The following OR6J1 variants were observed in gnomAD, a reference collection of about 807,000 sequenced individuals.
The protein encoded by OR6J1 is olfactory receptor 6J1.
For synonymous variants in OR6J1, 109 were observed against 70.0 expected (o/e 1.56, Z -2.78); for missense variants, 304 against 166.8 (o/e 1.82, Z -4.53).
At chr14:22,643,764 C>CACACACACACACAGAGAGAGAG (rs1466950724) in intron 1 of OR6J1, among the ~76,000 whole-genome samples, 5 of 37,694 alleles carry the variant, frequency 1.3e-4, no homozygotes, top group Admixed American at 5.9e-4. Flanking sequence ...CACACACACA[C>CACACACACACACAGAGAGAGAG]AGAGAGAGAG....
intron 1 of OR6J1, among the ~76,000 whole-genome samples, chr14:22,638,995 A>G (rs1828900100): frequency 1.7e-5 from 2 of 114,762 alleles, no homozygotes; most frequent in African/African-American, 4.5e-5. Flanking sequence ...GGATGTGAGG[A>G]GCGCCTCTGC....
intron 1 of OR6J1, among the ~76,000 whole-genome samples, chr14:22,637,194 A>G (rs1488009736): frequency 3.0e-5 from 3 of 98,764 alleles, no homozygotes; most frequent in Admixed American, 1.7e-4. Context: ...CCGTCTGAGA[A>G]GTGAGGAGCC....
At position 22,632,822 on chromosome 14, in the gene OR6J1, T is replaced by C. The variant is rs1441362692; in HGVS notation, c.*946A>G. On this transcript the variant is annotated 3_prime_UTR_variant, in exon 2 of 2. Transcript: ENST00000540461. ...TGAGAGAAGAGGGCTCTTTGTGTTG[T>C]GCCTTTGTGTTGTGAGTGGGCTGTC... The C allele has an allele frequency of 6.6e-6, 1 of 152,232 alleles. No individual in the cohort carries two copies. Among genetic ancestry groups the C allele is most frequent in the South Asian group, 2.1e-4 (1 of 4,832 alleles). The allele number at this position is 152,232 out of a possible 1,614,324, so 9.4% of individuals were successfully genotyped here.
rs1025560728 is a variant in OR6J1 at position 22,633,374 on chromosome 14, C to T, written c.*394G>A. 5.2e-5 allele frequency: 9 copies of T among 173,470 alleles called. No homozygotes were observed. Among genetic ancestry groups the T allele is most frequent in the Non-Finnish European group, 1.1e-4 (9 of 81,442 alleles). 10.7% of individuals were successfully genotyped at this position (173,470 alleles called of 1,614,324 possible). A position where few individuals can be genotyped will look rare whatever the true frequency, so the allele number is the denominator to read the frequency against. ...GATTAGAGAATAATGAAGGTTATTT[C>T]TAAAAAGATCCTGCAGAGGATGGAA... On this transcript the variant is annotated 3_prime_UTR_variant, in exon 2 of 2. Coordinates refer to ENST00000540461, the MANE Select transcript of OR6J1 (RefSeq NM_001348233.2).
rs1555310982 is a variant in OR6J1, at chr14:22,641,266, A to AAAGGAAGG, written c.-28+2824_-28+2831dup. 9.0e-5 allele frequency among the ~76,000 whole-genome samples: 11 copies of AAAGGAAGG among 122,788 alleles called. 1 individual carries two copies. The highest frequency in any genetic ancestry group is 3.5e-4 in the African/African-American group (11 of 31,340). The allele number at this position is 122,788 out of a possible 152,430, so 80.6% of individuals were successfully genotyped here. ...GAAAGAAAGAAAGAAAGAAAGAAAG[A>AAAGGAAGG]AAGGAAGGAAGGAAGAAAGAGAAGA... is the stretch of plus-strand genomic sequence containing the variant. On this transcript the variant is annotated intron_variant, in intron 1 of 1. Transcript: ENST00000540461.
intron 1 of OR6J1, among the ~76,000 whole-genome samples, chr14:22,641,210 T>TAGAAAGA (rs1555310963): frequency 8.2e-6 from 1 of 122,480 alleles, no homozygotes; most frequent in Non-Finnish European, 1.7e-5. Context: ...GAGAGAAAGA[T>TAGAAAGA]AAGAAAGAAA....
intron 1 of OR6J1, among the ~76,000 whole-genome samples, chr14:22,640,302 G>C: frequency 4.0e-5 from 1 of 25,302 alleles, no homozygotes; most frequent in African/African-American, 7.4e-5. Flanking sequence ...GGGAAGGGAG[G>C]GGAGGAGAGG....
chr14:22,640,485 A>ATT (rs1299631664), intron 1 of OR6J1, among the ~76,000 whole-genome samples: 137 of 117,934 alleles, frequency 1.2e-3, no homozygotes, highest in African/African-American at 2.4e-3. Flanking sequence ...GTGAGAATGT[A>ATT]TTTTTTTTTT....
intron 1 of OR6J1, among the ~76,000 whole-genome samples, chr14:22,640,801 A>G (rs1314033916): frequency 6.6e-6 from 1 of 151,400 alleles, no homozygotes; most frequent in Non-Finnish European, 1.5e-5. Context: ...GATCATAGGC[A>G]TGAGCCACCA....
intron 1 of OR6J1, among the ~76,000 whole-genome samples, chr14:22,635,199 G>T (rs1397180856): frequency 6.6e-6 from 1 of 152,104 alleles, no homozygotes; most frequent in African/African-American, 2.4e-5. Flanking sequence ...TTTGCCACAA[G>T]AATATTCACC....
At chr14:22,635,006 T>G (rs372861299) in intron 1 of OR6J1, among the ~76,000 whole-genome samples, 168 bp from the exon 2 acceptor site, 6 of 152,260 alleles carry the variant, frequency 3.9e-5, no homozygotes, top group African/African-American at 1.2e-4. Context: ...ACAAGGTTTT[T>G]GAAAATAATA....
At position 22,634,480 on chromosome 14, in the gene OR6J1, A is replaced by C; in HGVS notation, c.332T>G (p.Phe111Cys). The change falls in exon 2 of 2, where the codon TTC becomes TGC. Residue 111 changes from phenylalanine (F) to cysteine (C), a missense_variant. Transcript: ENST00000540461. ...ATAGGACATGACCGTCAGCAGGAGG[A>C]ACTCAACTGTGCCCAAGAAAAAGTA... ...YFYFFLGTVE[F>C]LLLTVMSYDR... 2 of 703,336 alleles carry C rather than the reference A, an allele frequency of 2.8e-6. No homozygotes were observed. The highest frequency in any genetic ancestry group is 5.4e-5 in the East Asian group (2 of 37,286). The allele number at this position is 703,336 out of a possible 1,614,324, so 43.6% of individuals were successfully genotyped here. A position where few individuals can be genotyped will look rare whatever the true frequency, so the allele number is the denominator to read the frequency against.
chr14:22,641,309 A>AAGAAAG (rs1196897995), intron 1 of OR6J1, among the ~76,000 whole-genome samples: 2 of 88,932 alleles, frequency 2.2e-5, no homozygotes, highest in Middle Eastern at 5.4e-3. Flanking sequence ...ACAGAGAGGA[A>AAGAAAG]AGAGAGAGAG....
intron 1 of OR6J1, among the ~76,000 whole-genome samples, chr14:22,636,572 C>G (rs1196353485): frequency 1.0e-4 from 12 of 118,906 alleles, no homozygotes; most frequent in African/African-American, 3.7e-4. Context: ...CGCCACGCCT[C>G]ACTGGTTTTC....
intron 1 of OR6J1, among the ~76,000 whole-genome samples, chr14:22,643,764 CAGAGAGAG>C (rs1233027589): frequency 3.0e-3 from 113 of 37,676 alleles, no homozygotes; most frequent in African/African-American, 8.2e-3. Flanking sequence ...CACACACACA[CAGAGAGAG>C]AGAGAGAGAG....
chr14:22,637,746 C>G (rs1279122001), intron 1 of OR6J1, among the ~76,000 whole-genome samples: 1,941 of 43,898 alleles, frequency 0.044, 6 homozygotes, highest in African/African-American at 0.15. Flanking sequence ...GGGATCAGCC[C>G]CCCGCCTGGC....
intron 1 of OR6J1, among the ~76,000 whole-genome samples, chr14:22,641,564 GA>G (rs797030311): frequency 1.0e-5 from 1 of 96,134 alleles, no homozygotes; most frequent in African/African-American, 3.5e-5. Context: ...TAAAGAAAAA[GA>G]AAAAAGAAAG....
In OR6J1 at chr14:22,633,500, G is replaced by A. The variant is rs2037561143; in HGVS notation, c.*268C>T. On this transcript the variant is annotated 3_prime_UTR_variant, in exon 2 of 2. Coordinates refer to ENST00000540461, the MANE Select transcript of OR6J1 (RefSeq NM_001348233.2). ...TAAAGAAATGGGGCCAAACATGTTA[G>A]GACTTTAGGAGGAAATAGGCTGCAT... 1 of 400,882 alleles carries A rather than the reference G, an allele frequency of 2.5e-6. No homozygotes were observed. The highest frequency in any genetic ancestry group is 4.4e-6 in the Non-Finnish European group (1 of 225,964). The allele number at this position is 400,882 out of a possible 1,614,324, so 24.8% of individuals were successfully genotyped here.
chr14:22,638,015 T>C (rs1432460276), intron 1 of OR6J1, among the ~76,000 whole-genome samples: 3 of 97,500 alleles, frequency 3.1e-5, no homozygotes, highest in African/African-American at 6.3e-5. Context: ...AGCCGCCCCG[T>C]CCGGGAGGAT....
Sources: gnomAD v4.1 joint callset for allele counts (sites outside exome capture counted in the v4.1 genomes callset) on GRCh38, gnomAD v4.1.1 for gene constraint, MANE v1.5 for transcripts, NCBI Gene and HGNC (gene_info 2026-07-23, HGNC 2026-07-21) for gene names.